XIRP2: variants seen among roughly 807,000 people sequenced by gnomAD.
XIRP2 encodes xin actin-binding repeat-containing protein 2.
XIRP2 carries 236 observed loss-of-function variants against 277.0 expected under a neutral mutation model. The ratio of observed to expected loss-of-function variants is 0.85; its 90% confidence interval spans 0.77 to 0.95. The LOEUF is 0.95. XIRP2 is among the 40% of genes least tolerant of loss of function. The pLI is 0.00. For synonymous variants in XIRP2, 1,490 were observed against 1,416.5 expected, an observed-to-expected ratio of 1.05 and a Z score of -1.17; for missense variants, 4,640 against 4,157.5, an observed-to-expected ratio of 1.12 and a Z score of -3.19.
chr2:166,938,929 G>C (rs1685608024), intron 2 of XIRP2, among the ~76,000 whole-genome samples: 1 of 152,000 alleles, frequency 6.6e-6, no homozygotes, highest in African/African-American at 2.4e-5. Flanking sequence ...GCCTTTTTAT[G>C]TTTTCCATTT....
chr2:166,921,985 C>T (rs1449736976), intron 2 of XIRP2, among the ~76,000 whole-genome samples: 1 of 152,104 alleles, frequency 6.6e-6, no homozygotes, highest in Non-Finnish European at 1.5e-5. Flanking sequence ...TGAAAATGTG[C>T]AAGAAACAGA....
chr2:167,020,349 G>A (rs1317068801), intron 2 of XIRP2, among the ~76,000 whole-genome samples: 11 of 151,770 alleles, frequency 7.2e-5, no homozygotes. Context: ...AACAAATAAT[G>A]ACTAATTAGC....
In XIRP2 at chr2:167,246,372, A is replaced by T. The variant is rs1236089248; in HGVS notation, c.4980A>T (p.Gln1660His). 7 of 1,613,240 alleles carry T rather than the reference A, an allele frequency of 4.3e-6. No individual in the cohort carries two copies. The highest frequency in any genetic ancestry group is 5.9e-6 in the Non-Finnish European group (7 of 1,179,690). The change falls in exon 9 of 11, where the codon CAA becomes CAT. Residue 1660 changes from glutamine to histidine, a missense_variant. By Grantham distance (24) the Gln-to-His change is conservative. Transcript: ENST00000409195. ...AAGAGATAGTGAAAGGTGATGTACA[A>T]CAAGCAATAAAAAACCTGTTCTCTG... The part of the protein sequence containing the change: ...EKEEIVKGDV[Q>H]QAIKNLFSEE...
intron 2 of XIRP2, among the ~76,000 whole-genome samples, chr2:167,083,537 T>C (rs1221759940): frequency 6.6e-6 from 1 of 152,238 alleles, no homozygotes; most frequent in African/African-American, 2.4e-5. Context: ...CCTTGGGCAG[T>C]ATGGCCATTT....
intron 5 of XIRP2, among the ~76,000 whole-genome samples, chr2:167,234,742 TA>T (rs1028422607): frequency 6.6e-6 from 1 of 151,844 alleles, no homozygotes; most frequent in African/African-American, 2.4e-5. Context: ...CACAAAGAAT[TA>T]GGACTTGGAA....
intron 2 of XIRP2, among the ~76,000 whole-genome samples, chr2:167,094,818 A>G (rs897703566): frequency 6.6e-6 from 1 of 152,142 alleles, no homozygotes; most frequent in African/African-American, 2.4e-5. Context: ...TTGGTTCCAT[A>G]TGAACTTTAA....
chr2:167,106,444 C>T (rs1244401987), intron 2 of XIRP2, among the ~76,000 whole-genome samples: 1 of 151,724 alleles, frequency 6.6e-6, no homozygotes, highest in Non-Finnish European at 1.5e-5. Context: ...CTTCATTGAA[C>T]TGCTTTTTGT....
At position 166,965,900 on chromosome 2, in the gene XIRP2, C is replaced by T. The variant is rs536173974; in HGVS notation, c.408+62010C>T. Among the ~76,000 whole-genome samples, 535 of 148,428 alleles carry T rather than the reference C, an allele frequency of 3.6e-3. 4 individuals are homozygous for T. Among genetic ancestry groups the T allele is most frequent in the African/African-American group, 0.012 (505 of 40,588 alleles). On this transcript the variant is annotated intron_variant, in intron 2 of 10. Coordinates refer to ENST00000409195, the MANE Select transcript of XIRP2 (RefSeq NM_152381.6). ...CATGCCTGGCCTCTAAGTTTGATTT[C>T]TTTTTTTTTTACTCAGAAGTCTCTT...
At chr2:167,179,448 G>A (rs541641204) in intron 3 of XIRP2, among the ~76,000 whole-genome samples, 2 of 151,034 alleles carry the variant, frequency 1.3e-5, no homozygotes, top group Admixed American at 1.3e-4. Flanking sequence ...AGCCTCCTGA[G>A]TAGCTGGGAT....
chr2:167,117,924 T>C (rs1312960485), intron 2 of XIRP2, among the ~76,000 whole-genome samples: 2 of 152,244 alleles, frequency 1.3e-5, no homozygotes, highest in South Asian at 4.1e-4. Flanking sequence ...TTGTCTCTTA[T>C]ACCCTTTGTT....
chr2:167,060,499 A>T (rs1689149830), intron 2 of XIRP2, among the ~76,000 whole-genome samples: 1 of 152,008 alleles, frequency 6.6e-6, no homozygotes, highest in South Asian at 2.1e-4. Context: ...TATGTTTATG[A>T]TTAATTTTGA....
chr2:167,081,594 A>G (rs1178091164), intron 2 of XIRP2, among the ~76,000 whole-genome samples: 1 of 152,230 alleles, frequency 6.6e-6, no homozygotes, highest in Non-Finnish European at 1.5e-5. Context: ...AAGTGTTTTC[A>G]GTTTCTGAGA....
intron 2 of XIRP2, among the ~76,000 whole-genome samples, chr2:166,954,452 G>A (rs570333508): frequency 5.9e-5 from 9 of 151,910 alleles, no homozygotes; most frequent in South Asian, 2.1e-4. Context: ...GAATAGGAAC[G>A]CTTTTACACT....
At chr2:167,187,194 G>A in intron 3 of XIRP2, 2 of 959,522 alleles carry the variant, frequency 2.1e-6, no homozygotes, top group Non-Finnish European at 2.5e-6. Context: ...ACATGTGTTA[G>A]AGCCATGCAT....
intron 2 of XIRP2, among the ~76,000 whole-genome samples, chr2:167,030,754 C>T (rs1279173356): frequency 1.3e-5 from 2 of 151,382 alleles, no homozygotes; most frequent in Non-Finnish European, 3.0e-5. Flanking sequence ...AGTTCAAGTC[C>T]TGAATACGGT....
At chr2:167,172,902 G>A (rs1281262249) in intron 3 of XIRP2, among the ~76,000 whole-genome samples, 2 of 152,148 alleles carry the variant, frequency 1.3e-5, no homozygotes, top group African/African-American at 4.8e-5. Flanking sequence ...TATTGATTGG[G>A]GAAGTGATAA....
chr2:167,119,494 C>T (rs911697322), intron 2 of XIRP2, among the ~76,000 whole-genome samples: 1 of 152,146 alleles, frequency 6.6e-6, no homozygotes, highest in Non-Finnish European at 1.5e-5. Context: ...AATACAATCT[C>T]ATGGCTCACC....
In XIRP2 at chr2:167,249,438, T is replaced by C. The variant is rs1695395792; in HGVS notation, c.8046T>C (p.Cys2682=). The change falls in exon 9 of 11, where the codon TGT becomes TGC. Residue 2682 remains cysteine (C), a synonymous_variant. Coordinates refer to ENST00000409195, the MANE Select transcript of XIRP2 (RefSeq NM_152381.6). ...AAATTAAACAAAGTCACCAAGAATGTAGTACCCAACAAACACAACAGAAGA... is the reference window on the plus strand; with the variant it reads ...AAATTAAACAAAGTCACCAAGAATGCAGTACCCAACAAACACAACAGAAGA... ...ACEIKQSHQE[C]STQQTQQKKY... 6.2e-7 allele frequency: 1 copy of C among 1,613,652 alleles called. No individual in the cohort carries two copies. Among genetic ancestry groups the C allele is most frequent in the African/African-American group, 1.3e-5 (1 of 74,868 alleles).
chr2:167,111,836 C>A (rs1374965714), intron 2 of XIRP2, among the ~76,000 whole-genome samples: 1 of 151,982 alleles, frequency 6.6e-6, no homozygotes, highest in Admixed American at 6.6e-5. Context: ...ACTACTACTT[C>A]AATGTTGGAA....
Sources: gnomAD v4.1 joint callset for allele counts (sites outside exome capture counted in the v4.1 genomes callset) on GRCh38, gnomAD v4.1.1 for gene constraint, MANE v1.5 for transcripts, NCBI Gene and HGNC (gene_info 2026-07-23, HGNC 2026-07-21) for gene names.